Variants in RGS6 observed in about 807,000 individuals in gnomAD.
RGS6 encodes regulator of G protein signaling 6.
A neutral mutation model predicts 78.5 loss-of-function variants in RGS6; 30 were observed. The ratio of observed to expected loss-of-function variants is 0.38; its 90% CI spans 0.29 to 0.52. The LOEUF (loss-of-function observed/expected upper bound fraction) is 0.52. Ranked by LOEUF, RGS6 falls within the 20% of genes least tolerant of loss-of-function variation. The pLI is 0.85. For missense variants in RGS6, 495 were observed against 609.7 expected (o/e 0.81, Z 1.98); for synonymous variants, 206 against 206.0 (o/e 1.00, Z 0.00).
chr14:72,403,586 G>A (rs2092663967), intron 3 of RGS6, among the ~76,000 whole-genome samples: 1 of 152,160 alleles, frequency 6.6e-6, no homozygotes, highest in South Asian at 2.1e-4. Flanking sequence ...CAAATAGCTA[G>A]AATAGAAGAT....
At chr14:72,136,670 A>G (rs2096448281) in intron 2 of RGS6, among the ~76,000 whole-genome samples, 1 of 152,194 alleles carries the variant, frequency 6.6e-6, no homozygotes, top group Non-Finnish European at 1.5e-5. Context: ...GAATTATGAG[A>G]GCTACAATTC....
the RGS6 span, among the ~76,000 whole-genome samples, chr14:71,916,255 G>T: frequency 6.6e-6 from 1 of 152,176 alleles, no homozygotes; most frequent in Non-Finnish European, 1.5e-5. Flanking sequence ...TAGATGGAAA[G>T]AGCTGAATCA....
chr14:71,921,951 G>T, the RGS6 span, among the ~76,000 whole-genome samples: 2 of 152,168 alleles, frequency 1.3e-5, no homozygotes, highest in African/African-American at 4.8e-5. Context: ...TTTTCACCCT[G>T]TTTTGCTCTC....
intron 2 of RGS6, among the ~76,000 whole-genome samples, chr14:72,320,869 A>T (rs544145406): frequency 6.8e-4 from 102 of 150,420 alleles, no homozygotes; most frequent in Non-Finnish European, 1.4e-3. Context: ...TACTTAGCAT[A>T]CTTACTAAAG....
intron 2 of RGS6, among the ~76,000 whole-genome samples, chr14:72,081,163 T>G (rs965842891): frequency 6.6e-5 from 10 of 152,148 alleles, no homozygotes; most frequent in African/African-American, 1.9e-4. Context: ...TATCTTTCCA[T>G]ACATGTGTGT....
rs546134252 is a variant in RGS6 at position 72,252,585 on chromosome 14, G to A, written c.85-99510G>A. ...AGTGTTAATTAGTAATCCCAGGAGA[G>A]AAGTGCTGTCATTCACAATTTTCTC... is the stretch of plus-strand genomic sequence containing the variant. On this transcript the variant is annotated intron_variant, in intron 2 of 17. Coordinates refer to ENST00000553525, the MANE Select transcript of RGS6 (RefSeq NM_001204424.2). Among the ~76,000 whole-genome samples the A allele has an allele frequency of 9.7e-4, 148 of 152,328 alleles. 2 individuals are homozygous for A. Among genetic ancestry groups the A allele is most frequent in the Middle Eastern group, 6.8e-3 (2 of 294 alleles).
chr14:72,248,232 A>G (rs976622461), intron 2 of RGS6, among the ~76,000 whole-genome samples: 3 of 152,232 alleles, frequency 2.0e-5, no homozygotes, highest in African/African-American at 7.2e-5. Context: ...TCCAGATACT[A>G]TATGACATGT....
chr14:72,055,312 A>T (rs1030951941), intron 2 of RGS6, among the ~76,000 whole-genome samples: 14 of 150,524 alleles, frequency 9.3e-5, no homozygotes, highest in Admixed American at 2.0e-4. Context: ...TCAGACATCA[A>T]TTTTTTTTTT....
the RGS6 span, among the ~76,000 whole-genome samples, chr14:71,873,423 G>T: frequency 6.6e-6 from 1 of 151,970 alleles, no homozygotes; most frequent in African/African-American, 2.4e-5. Flanking sequence ...TGTGTTTTTT[G>T]GCTGCATAAA....
chr14:72,330,828 C>A (rs2074850728), intron 2 of RGS6, among the ~76,000 whole-genome samples: 1 of 152,076 alleles, frequency 6.6e-6, no homozygotes, highest in African/African-American at 2.4e-5. Flanking sequence ...CTGACACCTG[C>A]AGAGATTTTT....
chr14:72,073,393 C>A (rs1023564620), intron 2 of RGS6, among the ~76,000 whole-genome samples: 2 of 152,204 alleles, frequency 1.3e-5, no homozygotes, highest in East Asian at 3.8e-4. Context: ...AAGACCAAAA[C>A]ATTTCTAATA....
chr14:72,273,070 T>C (rs926213057), intron 2 of RGS6, among the ~76,000 whole-genome samples: 77 of 151,154 alleles, frequency 5.1e-4, no homozygotes, highest in Admixed American at 3.3e-4. Context: ...GAGTGGAGGT[T>C]GCAGTGAGCT....
the RGS6 span, among the ~76,000 whole-genome samples, chr14:72,600,580 C>T: frequency 6.6e-6 from 1 of 152,040 alleles, no homozygotes; most frequent in African/African-American, 2.4e-5. Flanking sequence ...GACACACACA[C>T]ACACACACAC....
chr14:72,285,292 T>C (rs1339399998), intron 2 of RGS6, among the ~76,000 whole-genome samples: 1 of 152,098 alleles, frequency 6.6e-6, no homozygotes, highest in Non-Finnish European at 1.5e-5. Context: ...GAATTGTAGC[T>C]CCCGTAGTTC....
upstream of RGS6, among the ~76,000 whole-genome samples, chr14:71,930,159 A>G (rs541206583): frequency 2.9e-5 from 4 of 138,258 alleles, no homozygotes; most frequent in East Asian, 8.1e-4. Context: ...ATACACTTAT[A>G]TTTTTCTGTC....
At chr14:72,202,519 A>C (rs1305568493) in intron 2 of RGS6, among the ~76,000 whole-genome samples, 1 of 152,086 alleles carries the variant, frequency 6.6e-6, no homozygotes, top group Non-Finnish European at 1.5e-5. Flanking sequence ...TTACACAACC[A>C]ATCGATGGCC....
At chr14:72,492,963 G>C (rs2096597721) in intron 12 of RGS6, among the ~76,000 whole-genome samples, 1 of 152,136 alleles carries the variant, frequency 6.6e-6, no homozygotes, top group Admixed American at 6.5e-5. Context: ...AGGCCCTGCA[G>C]AAAAAGCTTG....
chr14:71,997,547 T>C (rs147504403), intron 2 of RGS6, among the ~76,000 whole-genome samples: 41 of 152,296 alleles, frequency 2.7e-4, no homozygotes, highest in African/African-American at 9.9e-4. Context: ...TTTCAAAATG[T>C]CTGTGTCCTC....
intron 2 of RGS6, among the ~76,000 whole-genome samples, chr14:72,050,628 G>C (rs544011929): frequency 6.6e-6 from 1 of 152,306 alleles, no homozygotes; most frequent in Admixed American, 6.5e-5. Flanking sequence ...GGACAGAGGG[G>C]AAAGGAGATG....
Sources: gnomAD v4.1 joint callset for allele counts (sites outside exome capture counted in the v4.1 genomes callset) on GRCh38, gnomAD v4.1.1 for gene constraint, MANE v1.5 for transcripts, NCBI Gene and HGNC (gene_info 2026-07-23, HGNC 2026-07-21) for gene names.